The following RAP1GDS1 variants were observed in gnomAD, a reference collection of about 807,000 sequenced individuals.
The protein encoded by RAP1GDS1 is RAP1, GTP-GDP dissociation stimulator 1.
Under a neutral mutation model 71.1 loss-of-function variants are expected in RAP1GDS1, and 35 were observed. The ratio of observed to expected loss-of-function variants is 0.49; its 90% confidence interval spans 0.38 to 0.65. The LOEUF (loss-of-function observed/expected upper bound fraction) is 0.65, where lower values mean the gene tolerates loss of function less well. RAP1GDS1 is among the 30% of genes least tolerant of loss of function. The pLI, the probability that RAP1GDS1 is intolerant of heterozygous loss-of-function variation, is 0.00. For synonymous variants in RAP1GDS1, 229 were observed against 243.1 expected (o/e 0.94, Z 0.54); for missense variants, 663 against 706.1 (o/e 0.94, Z 0.69).
intron 1 of RAP1GDS1, among the ~76,000 whole-genome samples, chr4:98,280,538 A>C (rs1560764884): frequency 6.6e-6 from 1 of 151,632 alleles, no homozygotes; most frequent in African/African-American, 2.4e-5. Flanking sequence ...GATTGCAAAA[A>C]TTTTCTCCCA....
At chr4:98,287,006 G>A (rs187479677) in intron 1 of RAP1GDS1, among the ~76,000 whole-genome samples, 50 of 150,734 alleles carry the variant, frequency 3.3e-4, no homozygotes, top group East Asian at 2.3e-3. Flanking sequence ...TTTTAGTATA[G>A]CCCATTTTAA....
chr4:98,381,008 C>A (rs1472137861), intron 5 of RAP1GDS1, among the ~76,000 whole-genome samples: 1 of 151,556 alleles, frequency 6.6e-6, no homozygotes, highest in African/African-American at 2.4e-5. Context: ...TATAGGGTAT[C>A]CCAGTGTGTA....
chr4:98,278,720 C>T (rs935146330), intron 1 of RAP1GDS1, among the ~76,000 whole-genome samples: 2 of 151,936 alleles, frequency 1.3e-5, no homozygotes, highest in African/African-American at 4.8e-5. Context: ...AGAATAGATT[C>T]CAAATGAAGG....
At chr4:98,275,584 T>C (rs1724084638) in intron 1 of RAP1GDS1, among the ~76,000 whole-genome samples, 1 of 152,202 alleles carries the variant, frequency 6.6e-6, no homozygotes, top group South Asian at 2.1e-4. Context: ...ACTTTTACTT[T>C]CACCATTACA....
intron 7 of RAP1GDS1, among the ~76,000 whole-genome samples, chr4:98,413,441 A>T: frequency 6.6e-6 from 1 of 151,900 alleles, no homozygotes; most frequent in Middle Eastern, 3.4e-3. Flanking sequence ...TCATCGTTCA[A>T]TTCCCACCTA....
chr4:98,262,357 C>G (rs1227746587), intron 1 of RAP1GDS1, among the ~76,000 whole-genome samples: 1 of 152,210 alleles, frequency 6.6e-6, no homozygotes, highest in Admixed American at 6.5e-5. Flanking sequence ...GTCTAATCTG[C>G]ATAATCTGAT....
At chr4:98,376,267 G>T (rs757346586) in intron 4 of RAP1GDS1, among the ~76,000 whole-genome samples, 1 of 152,052 alleles carries the variant, frequency 6.6e-6, no homozygotes, top group Non-Finnish European at 1.5e-5. Context: ...TAGGTTAGCT[G>T]TTACTTATGA....
intron 14 of RAP1GDS1, chr4:98,441,204 C>G (rs1561026465): frequency 2.4e-6 from 1 of 412,236 alleles, no homozygotes; most frequent in East Asian, 1.6e-4. Context: ...TCAGTCATAT[C>G]AAAATAAACA....
chr4:98,344,078 G>T (rs1461395554), intron 3 of RAP1GDS1, among the ~76,000 whole-genome samples: 1 of 152,126 alleles, frequency 6.6e-6, no homozygotes, highest in Admixed American at 6.5e-5. Flanking sequence ...GTATATGTTG[G>T]TTTGGGCTGG....
chr4:98,298,444 A>G (rs1394787176), intron 2 of RAP1GDS1, among the ~76,000 whole-genome samples: 1 of 152,192 alleles, frequency 6.6e-6, no homozygotes, highest in African/African-American at 2.4e-5. Flanking sequence ...GCAGCTGGTG[A>G]CTTTAAGTTG....
At chr4:98,382,199 G>A (rs1465785732) in intron 5 of RAP1GDS1, among the ~76,000 whole-genome samples, 1 of 151,398 alleles carries the variant, frequency 6.6e-6, no homozygotes, top group Non-Finnish European at 1.5e-5. Flanking sequence ...TTCCCTATTG[G>A]TGAAGCAGTT....
At chr4:98,436,817 G>T in intron 13 of RAP1GDS1, 123 bp from the exon 14 acceptor site, 3 of 937,146 alleles carry the variant, frequency 3.2e-6, no homozygotes, top group South Asian at 3.4e-5. Flanking sequence ...ATTTTTCTAG[G>T]TCATTATTAT....
At chr4:98,417,963 T>C (rs1427127340) in intron 9 of RAP1GDS1, among the ~76,000 whole-genome samples, 2 of 152,316 alleles carry the variant, frequency 1.3e-5, no homozygotes, top group Non-Finnish European at 2.9e-5. Context: ...CAGACTTCTA[T>C]GTTTATGAAA....
chr4:98,337,462 T>C (rs1734870459), intron 2 of RAP1GDS1, among the ~76,000 whole-genome samples: 1 of 152,236 alleles, frequency 6.6e-6, no homozygotes, highest in African/African-American at 2.4e-5. Flanking sequence ...TCACAAAAGC[T>C]GGTTTCTTAT....
chr4:98,401,830 A>T (rs751725695), intron 6 of RAP1GDS1, among the ~76,000 whole-genome samples: 2 of 152,212 alleles, frequency 1.3e-5, no homozygotes, highest in Non-Finnish European at 2.9e-5. Context: ...TGAGTTACAT[A>T]GCAACAGTGA....
intron 4 of RAP1GDS1, among the ~76,000 whole-genome samples, chr4:98,370,635 C>T (rs1553989335): frequency 6.6e-6 from 1 of 151,430 alleles, no homozygotes; most frequent in Non-Finnish European, 1.5e-5. Flanking sequence ...GCGATCTCTG[C>T]TCCCAGCTCA....
intron 1 of RAP1GDS1, among the ~76,000 whole-genome samples, chr4:98,282,085 C>G (rs1472332882): frequency 2.0e-5 from 3 of 151,492 alleles, no homozygotes; most frequent in Non-Finnish European, 4.4e-5. Flanking sequence ...TTTGTTGTGT[C>G]TCTGTCAGGC....
chr4:98,416,777 C>G lies in RAP1GDS1; in HGVS notation c.796C>G (p.Leu266Val), dbSNP rs752944807. ...AIKLQLVEAG[L>V]VECLLEIVQQ... ...TAAACTACAGCTGGTTGAAGCAGGC[C>G]TAGTAGAGTGTCTACTAGAGATTGT... is the stretch of plus-strand genomic sequence containing the variant. The change falls in exon 8 of 15, where the codon CTA becomes GTA. Residue 266 changes from leucine (L) to valine (V), a missense_variant. By Grantham distance (32) the Leu-to-Val change is conservative (BLOSUM62 1). Coordinates refer to ENST00000408927, the MANE Select transcript of RAP1GDS1 (RefSeq NM_001100427.2). 1 of 1,609,648 alleles carries G rather than the reference C, an allele frequency of 6.2e-7. No homozygotes were observed. Among genetic ancestry groups the G allele is most frequent in the Non-Finnish European group, 8.5e-7 (1 of 1,176,144 alleles).
intron 13 of RAP1GDS1, 40 bp downstream of exon 13, chr4:98,434,102 A>G (rs1301655333): frequency 6.2e-7 from 1 of 1,601,266 alleles, no homozygotes. Flanking sequence ...TTCTATTTTT[A>G]TCTTGGATGA....
Sources: gnomAD v4.1 joint callset for allele counts (sites outside exome capture counted in the v4.1 genomes callset) on GRCh38, gnomAD v4.1.1 for gene constraint, MANE v1.5 for transcripts, NCBI Gene and HGNC (gene_info 2026-07-23, HGNC 2026-07-21) for gene names.